The following EPHA4 variants were observed in gnomAD, a reference collection of about 807,000 sequenced individuals.
EPHA4 encodes the protein EPH receptor A4.
EPHA4 carries 19 observed loss-of-function variants against 108.3 expected under a neutral mutation model. That is an observed-to-expected ratio of 0.18 (90% confidence interval 0.12 to 0.26). The LOEUF (loss-of-function observed/expected upper bound fraction) is 0.26. Among genes scored for constraint, EPHA4 ranks in the 10% least tolerant of loss-of-function variants. The pLI is 1.00. For missense variants in EPHA4, 917 were observed against 1,254.0 expected, an observed-to-expected ratio of 0.73 and a Z score of 4.06; for synonymous variants, 449 against 455.5, an observed-to-expected ratio of 0.99 and a Z score of 0.18.
chr2:221,551,881 T>G (rs1454959440), intron 3 of EPHA4, among the ~76,000 whole-genome samples: 1 of 151,976 alleles, frequency 6.6e-6, no homozygotes, highest in Non-Finnish European at 1.5e-5. Flanking sequence ...CTTGGTTTAG[T>G]GTATCAGTGC....
chr2:221,514,174 G>A (rs1222503516), intron 3 of EPHA4, among the ~76,000 whole-genome samples: 5 of 151,866 alleles, frequency 3.3e-5, no homozygotes, highest in East Asian at 1.9e-4. Context: ...GGTTTGAATC[G>A]GCAGCCGAAA....
At position 221,501,042 on chromosome 2, in the gene EPHA4, G is replaced by A. The variant is rs185878065; in HGVS notation, c.954C>T (p.Asn318=). ...TCDRGFFRAD[N]DAASMPCTRP... ...GGGTGCAGGGCATAGAGGCAGCATC[G>A]TTGTCAGCTCTGAAAAAGCCTCGGT... The change falls in exon 4 of 18, where the codon AAC becomes AAT. Residue 318 remains asparagine (N), a synonymous_variant. Coordinates refer to ENST00000281821, the MANE Select transcript of EPHA4 (RefSeq NM_004438.5). 67 of 1,612,178 alleles carry A rather than the reference G, an allele frequency of 4.2e-5. No individual in the cohort carries two copies. In the East Asian group the frequency reaches 9.4e-4, roughly 23 times the overall value.
Position 221,436,528 on chromosome 2 carries a change from A to G in EPHA4, c.2217T>C (p.Asp739=). 5 of 1,614,204 alleles carry G rather than the reference A, an allele frequency of 3.1e-6. No individual in the cohort carries two copies. The highest frequency in any genetic ancestry group is 4.2e-6 in the Non-Finnish European group (5 of 1,180,042). The change falls in exon 13 of 18, where the codon GAT becomes GAC. Residue 739 remains aspartate (D), a synonymous_variant. Transcript: ENST00000281821. ...GIGSGMKYLS[D]MSYVHRDLAA... is the part of the protein sequence containing the mutation. ...CCAGATCACGATGCACATAGCTCAT[A>G]TCAGATAAATACTTCATCCCAGACC...
At chr2:221,554,187 T>C (rs1694243091) in intron 3 of EPHA4, among the ~76,000 whole-genome samples, 1 of 152,228 alleles carries the variant, frequency 6.6e-6, no homozygotes, top group Non-Finnish European at 1.5e-5. Flanking sequence ...TGCTGCTCTT[T>C]AATCCTAATA....
intron 3 of EPHA4, among the ~76,000 whole-genome samples, chr2:221,543,380 G>A (rs774478233): frequency 5.3e-5 from 8 of 152,190 alleles, no homozygotes; most frequent in Non-Finnish European, 1.2e-4. Flanking sequence ...TGGTGTATAT[G>A]TGTACATCAA....
chr2:221,440,617 T>TG (rs1690395884), intron 11 of EPHA4, among the ~76,000 whole-genome samples: 2 of 151,964 alleles, frequency 1.3e-5, no homozygotes, highest in African/African-American at 2.4e-5. Flanking sequence ...CCTTTTTTTT[T>TG]TTTTTTGAAA....
chr2:221,528,816 C>T (rs920306276), intron 3 of EPHA4, among the ~76,000 whole-genome samples: 3 of 152,146 alleles, frequency 2.0e-5, no homozygotes, highest in Admixed American at 6.5e-5. Flanking sequence ...TGTGCCATCA[C>T]CAAATAGGCT....
At chr2:221,545,252 G>C (rs921020376) in intron 3 of EPHA4, among the ~76,000 whole-genome samples, 1 of 112,622 alleles carries the variant, frequency 8.9e-6, no homozygotes, top group Non-Finnish European at 1.9e-5. Context: ...GGCGGATCAC[G>C]AGGTCGGGAG....
intron 3 of EPHA4, among the ~76,000 whole-genome samples, chr2:221,558,443 G>A (rs796807751): frequency 4.0e-5 from 6 of 151,390 alleles, no homozygotes; most frequent in African/African-American, 9.7e-5. Context: ...CCCACCCCCC[G>A]CCATTAACTA....
intron 2 of EPHA4, among the ~76,000 whole-genome samples, chr2:221,565,864 A>C (rs1336787892): frequency 6.6e-6 from 1 of 152,190 alleles, no homozygotes; most frequent in Non-Finnish European, 1.5e-5. Flanking sequence ...TCTCAGAACA[A>C]TGGGAATTTG....
At chr2:221,564,887 CAAAAA>C (rs1233305564) in intron 2 of EPHA4, among the ~76,000 whole-genome samples, 3,744 of 73,046 alleles carry the variant, frequency 0.051, 111 homozygotes, top group Admixed American at 0.15. Flanking sequence ...TCTAATACCT[CAAAAA>C]AAAAAAAAAA....
intron 3 of EPHA4, among the ~76,000 whole-genome samples, chr2:221,538,355 AATTAT>A (rs2106188696): frequency 6.6e-6 from 1 of 152,350 alleles, no homozygotes; most frequent in East Asian, 1.9e-4. Context: ...AAATCAATTG[AATTAT>A]ATATCAATGA....
chr2:221,426,355 A>T, intron 16 of EPHA4, 109 bp downstream of exon 16: 2 of 1,322,594 alleles, frequency 1.5e-6, no homozygotes, highest in South Asian at 3.0e-5. Flanking sequence ...AATGAGAGGC[A>T]TTCCAGATTT....
At chr2:221,459,800 A>T (rs1691083751) in intron 5 of EPHA4, among the ~76,000 whole-genome samples, 1 of 152,232 alleles carries the variant, frequency 6.6e-6, no homozygotes, top group South Asian at 2.1e-4. Flanking sequence ...TTCAGGATTG[A>T]GAAATGAAAC....
At chr2:221,544,921 G>A (rs914034764) in intron 3 of EPHA4, among the ~76,000 whole-genome samples, 4 of 152,128 alleles carry the variant, frequency 2.6e-5, no homozygotes, top group South Asian at 4.1e-4. Context: ...CCTGCTACAA[G>A]CCACGAAAGA....
At chr2:221,467,859 A>T (rs1237308794) in intron 5 of EPHA4, among the ~76,000 whole-genome samples, 1 of 152,178 alleles carries the variant, frequency 6.6e-6, no homozygotes, top group Non-Finnish European at 1.5e-5. Flanking sequence ...CAACAGAAAC[A>T]TGGCAGGATT....
chr2:221,466,021 G>A (rs1691301276), intron 5 of EPHA4, among the ~76,000 whole-genome samples: 1 of 152,160 alleles, frequency 6.6e-6, no homozygotes, highest in Non-Finnish European at 1.5e-5. Flanking sequence ...GGTCATGCAC[G>A]ATGAGCAGAT....
chr2:221,474,666 T>G (rs1203166180), intron 5 of EPHA4, among the ~76,000 whole-genome samples: 1 of 152,184 alleles, frequency 6.6e-6, no homozygotes, highest in Non-Finnish European at 1.5e-5. Context: ...GCAAAATCTC[T>G]CAGTGGAATT....
Position 221,479,555 on chromosome 2 carries a change from T to G in EPHA4, c.1318+2797A>C, listed in dbSNP as rs902021384. 8.5e-5 allele frequency among the ~76,000 whole-genome samples: 13 copies of G among 152,228 alleles called. 1 individual carries two copies. In the East Asian group the frequency reaches 2.3e-3, roughly 27 times the overall value. Reference sequence around the variant, plus strand: ...CCTCAAGGAATTTAATTTAATGAAATGATAGGAGCAATTGCAATTAGAACA... The same window carrying G: ...CCTCAAGGAATTTAATTTAATGAAAGGATAGGAGCAATTGCAATTAGAACA... On this transcript the variant is annotated intron_variant, in intron 5 of 17. Transcript: ENST00000281821.
Sources: allele counts gnomAD v4.1 joint callset (sites outside exome capture counted in the v4.1 genomes callset), GRCh38; gene constraint gnomAD v4.1.1; transcripts MANE v1.5; gene names NCBI Gene and HGNC (gene_info 2026-07-23, HGNC 2026-07-21).